Variants in ARHGEF11 observed in about 807,000 individuals in gnomAD.
ARHGEF11 encodes the protein Rho guanine exchange factor (GEF) 11.
Under a neutral mutation model 193.7 loss-of-function variants are expected in ARHGEF11, and 55 were observed. The observed-to-expected ratio is 0.28, with a 90% CI of 0.23 to 0.36. ARHGEF11 has a LOEUF of 0.36. Ranked by LOEUF, ARHGEF11 falls within the 10% of genes least tolerant of loss-of-function variation. ARHGEF11 has a pLI of 1.00. For missense variants in ARHGEF11, 1,723 were observed against 2,005.6 expected, an observed-to-expected ratio of 0.86 and a Z score of 2.69; for synonymous variants, 693 against 768.0, an observed-to-expected ratio of 0.90 and a Z score of 1.62.
At chr1:156,949,148 C>G in intron 22 of ARHGEF11, 1 of 981,562 alleles carries the variant, frequency 1.0e-6, no homozygotes, top group Non-Finnish European at 1.2e-6. Context: ...TCCATTTCCT[C>G]TCAAGAGCAG....
Position 156,939,698 on chromosome 1 carries a change from C to T in ARHGEF11, c.3946G>A (p.Glu1316Lys). The T allele has an allele frequency of 1.2e-6, 2 of 1,614,144 alleles. No homozygotes were observed. The highest frequency in any genetic ancestry group is 1.7e-6 in the Non-Finnish European group (2 of 1,180,032). Residue 1316 changes from glutamate (E) to lysine (K), a missense_variant, in exon 37 of 41, where the codon GAG becomes AAG. Transcript: ENST00000368194. ...GAACAGAGACCCATGTCTTCCTGCTCTGGCCGTTCCCCCTCCAGCCCTGCA... is the reference window on the plus strand; with the variant it reads ...GAACAGAGACCCATGTCTTCCTGCTTTGGCCGTTCCCCCTCCAGCCCTGCA... ...QLAGLEGERP[E>K]QEDMGLCSLE...
intron 7 of ARHGEF11, among the ~76,000 whole-genome samples, chr1:156,974,019 CA>C (rs1180940265): frequency 6.6e-6 from 1 of 152,164 alleles, no homozygotes. Flanking sequence ...TCATGGTATT[CA>C]TGGCCAATAA....
At chr1:156,967,794 A>G in intron 11 of ARHGEF11, 193 bp downstream of exon 11, 13 of 651,132 alleles carry the variant, frequency 2.0e-5, no homozygotes, top group Non-Finnish European at 2.9e-5. Flanking sequence ...AGCCAGCCTT[A>G]CTTTCATATC....
At chr1:157,036,196 A>AATACATATATGAATACATATATGAAT (rs1557991992) in intron 1 of ARHGEF11, among the ~76,000 whole-genome samples, 4 of 132,298 alleles carry the variant, frequency 3.0e-5, no homozygotes, top group Non-Finnish European at 6.5e-5. Flanking sequence ...TACATATATG[A>AATACATATATGAATACATATATGAAT]ATATATATAC....
At chr1:156,999,718 T>C (rs113542393) in intron 1 of ARHGEF11, among the ~76,000 whole-genome samples, 2,360 of 152,218 alleles carry the variant, frequency 0.016, 57 homozygotes, top group African/African-American at 0.049. Context: ...GAGCAGAACC[T>C]AGAACCTACA....
chr1:157,026,193 TCTC>T (rs1436511963), intron 1 of ARHGEF11, among the ~76,000 whole-genome samples: 1 of 152,188 alleles, frequency 6.6e-6, no homozygotes, highest in Non-Finnish European at 1.5e-5. Flanking sequence ...CTGCCTGTTC[TCTC>T]CTCAACTGAA....
At chr1:156,966,154 G>A (rs1661647196) in intron 11 of ARHGEF11, among the ~76,000 whole-genome samples, 1 of 152,166 alleles carries the variant, frequency 6.6e-6, no homozygotes. Context: ...TCAGTGAGTA[G>A]GATTATCGTT....
At position 156,935,883 on chromosome 1, in the gene ARHGEF11, T is replaced by C; in HGVS notation, c.*117A>G. On this transcript the variant is annotated 3_prime_UTR_variant, in exon 41 of 41. Coordinates refer to ENST00000368194, the MANE Select transcript of ARHGEF11 (RefSeq NM_198236.3). ...CCCGGGCCTTGGCTGGATCCTAGTT[T>C]CCCTAACTGCCTCCTCCACAGGGAG... The C allele has an allele frequency of 8.2e-7, 1 of 1,221,484 alleles. No individual in the cohort carries two copies. The highest frequency in any genetic ancestry group is 1.1e-6 in the Non-Finnish European group (1 of 881,218). The allele number at this position is 1,221,484 out of a possible 1,614,324, so 75.7% of individuals were successfully genotyped here. A position where few individuals can be genotyped will look rare whatever the true frequency, so the allele number is the denominator to read the frequency against.
rs930591673 is a variant in ARHGEF11, at chr1:157,045,600, C to T, written c.-1270G>A. 3.3e-5 allele frequency among the ~76,000 whole-genome samples: 5 copies of T among 151,644 alleles called. No homozygotes were observed. The highest frequency in any genetic ancestry group is 3.3e-4 in the Admixed American group (5 of 15,234). Reference sequence around the variant, plus strand: ...CCCGCAGTGCCTCGCGCAGGACGCCCGGCCGGGCCTCGGGCTCCCGGCGCC... The same window carrying T: ...CCCGCAGTGCCTCGCGCAGGACGCCTGGCCGGGCCTCGGGCTCCCGGCGCC... On this transcript the variant is annotated 5_prime_UTR_variant, in exon 1 of 41. Coordinates refer to ENST00000368194, the MANE Select transcript of ARHGEF11 (RefSeq NM_198236.3).
intron 1 of ARHGEF11, among the ~76,000 whole-genome samples, chr1:157,030,253 G>C (rs1671133903): frequency 6.6e-6 from 1 of 152,132 alleles, no homozygotes; most frequent in Non-Finnish European, 1.5e-5. Flanking sequence ...TGTACACAAA[G>C]ATAGGGCCCC....
chr1:156,960,010 A>G (rs1226924492), intron 15 of ARHGEF11, among the ~76,000 whole-genome samples: 1 of 141,960 alleles, frequency 7.0e-6, no homozygotes, highest in Non-Finnish European at 1.5e-5. Context: ...GCGAGGCCCT[A>G]GTTTCTGTAT....
intron 1 of ARHGEF11, among the ~76,000 whole-genome samples, chr1:157,019,732 T>C (rs1669724018): frequency 6.6e-6 from 1 of 152,042 alleles, no homozygotes; most frequent in Non-Finnish European, 1.5e-5. Flanking sequence ...GCAAAATAAT[T>C]GTGTTGGTTG....
At chr1:156,998,810 T>C (rs1666869026) in intron 1 of ARHGEF11, among the ~76,000 whole-genome samples, 1 of 152,238 alleles carries the variant, frequency 6.6e-6, no homozygotes, top group African/African-American at 2.4e-5. Context: ...TATTTGCTTT[T>C]GTCACGGAGT....
At chr1:156,954,870 C>T in intron 21 of ARHGEF11, 22 bp downstream of exon 21, 1 of 1,600,286 alleles carries the variant, frequency 6.2e-7, no homozygotes, top group Non-Finnish European at 8.5e-7. Flanking sequence ...AAAGACAAAC[C>T]CAAATAAAAT....
intron 1 of ARHGEF11, among the ~76,000 whole-genome samples, chr1:157,009,601 C>A (rs371034564): frequency 4.6e-4 from 70 of 152,148 alleles, no homozygotes; most frequent in Non-Finnish European, 7.8e-4. Flanking sequence ...TTAAAGGGTA[C>A]CCACAAGGGA....
At chr1:157,014,740 C>A (rs1389413701) in intron 1 of ARHGEF11, among the ~76,000 whole-genome samples, 4 of 152,156 alleles carry the variant, frequency 2.6e-5, no homozygotes, top group Non-Finnish European at 5.9e-5. Context: ...TACCAACAGC[C>A]CCTCAACTGA....
chr1:156,957,872 G>A, intron 17 of ARHGEF11, 57 bp from the exon 18 acceptor site: 1 of 1,583,840 alleles, frequency 6.3e-7, no homozygotes, highest in Non-Finnish European at 8.7e-7. Context: ...CTGGTCACCT[G>A]GTTAGAGGCT....
intron 1 of ARHGEF11, among the ~76,000 whole-genome samples, chr1:157,028,235 G>A (rs977302541): frequency 2.6e-5 from 4 of 152,190 alleles, no homozygotes; most frequent in African/African-American, 9.7e-5. Flanking sequence ...CCAGGGGATG[G>A]GGAGCTGGCT....
chr1:156,949,155 G>C, intron 22 of ARHGEF11: 1 of 977,738 alleles, frequency 1.0e-6, no homozygotes, highest in South Asian at 4.7e-5. Context: ...CCTCTCAAGA[G>C]CAGACAGGCT....
Sources: allele counts gnomAD v4.1 joint callset (sites outside exome capture counted in the v4.1 genomes callset), GRCh38; gene constraint gnomAD v4.1.1; transcripts MANE v1.5; gene names NCBI Gene and HGNC (gene_info 2026-07-23, HGNC 2026-07-21).